Variants in FMN1 observed in about 807,000 individuals in gnomAD.
FMN1 encodes formin-1.
In FMN1, 110 loss-of-function variants were observed where a neutral mutation model predicts 132.4. That is an observed-to-expected ratio of 0.83 (90% CI 0.71 to 0.97). The LOEUF is 0.97. FMN1 is among the 50% of genes least tolerant of loss of function. The pLI is 0.00. For synonymous variants in FMN1, 722 were observed against 651.7 expected (o/e 1.11, Z -1.64); for missense variants, 1,792 against 1,705.3 (o/e 1.05, Z -0.90).
chr15:32,978,634 A>G (rs973816768), intron 7 of FMN1, among the ~76,000 whole-genome samples: 2 of 152,218 alleles, frequency 1.3e-5, no homozygotes, highest in African/African-American at 4.8e-5. Flanking sequence ...CACATTCTAG[A>G]GTATATGCAA....
At chr15:33,033,496 C>A (rs1224327034) in intron 6 of FMN1, among the ~76,000 whole-genome samples, 1 of 152,136 alleles carries the variant, frequency 6.6e-6, no homozygotes, top group Non-Finnish European at 1.5e-5. Context: ...AGCTCTTATC[C>A]CTCTTACTTT....
intron 4 of FMN1, among the ~76,000 whole-genome samples, chr15:33,121,401 G>A (rs897467826): frequency 3.3e-5 from 5 of 152,154 alleles, no homozygotes; most frequent in Admixed American, 3.3e-4. Context: ...TCTATAAATT[G>A]AGAGCACAAA....
At chr15:33,106,053 C>T (rs1380493872) in intron 4 of FMN1, 1 of 152,026 alleles carries the variant, frequency 6.6e-6, no homozygotes. Context: ...GCTCCCAGTA[C>T]ATAAGGGGAG....
At chr15:33,038,549 T>C (rs1036891282) in intron 6 of FMN1, among the ~76,000 whole-genome samples, 4 of 152,234 alleles carry the variant, frequency 2.6e-5, no homozygotes, top group African/African-American at 9.6e-5. Context: ...CAAAAGAATT[T>C]TAATTTTAGG....
intron 7 of FMN1, among the ~76,000 whole-genome samples, chr15:32,974,408 T>A (rs1381036606): frequency 1.3e-5 from 2 of 152,220 alleles, no homozygotes; most frequent in African/African-American, 2.4e-5. Context: ...TAGTCTGTTA[T>A]AATATATGTC....
intron 12 of FMN1, among the ~76,000 whole-genome samples, chr15:32,904,940 G>A (rs2060385138): frequency 6.6e-6 from 1 of 152,120 alleles, no homozygotes; most frequent in East Asian, 1.9e-4. Flanking sequence ...ATATTCCCAA[G>A]CATGGGATCT....
intron 5 of FMN1, among the ~76,000 whole-genome samples, chr15:33,086,150 C>G (rs1180760394): frequency 6.6e-6 from 1 of 151,642 alleles, no homozygotes; most frequent in Non-Finnish European, 1.5e-5. Flanking sequence ...ACTCAGGAGG[C>G]TGAGGCAGGA....
intron 9 of FMN1, among the ~76,000 whole-genome samples, chr15:32,936,155 T>A (rs2061264983): frequency 6.6e-6 from 1 of 152,240 alleles, no homozygotes; most frequent in Non-Finnish European, 1.5e-5. Context: ...CTGAGCTCAC[T>A]GAACATCTTT....
chr15:32,987,489 A>C (rs968411818), intron 7 of FMN1, among the ~76,000 whole-genome samples: 2 of 152,198 alleles, frequency 1.3e-5, no homozygotes, highest in African/African-American at 2.4e-5. Flanking sequence ...TCAGAGCAGA[A>C]GGCTTTCTGA....
chr15:33,038,820 G>T (rs2036298660), intron 6 of FMN1, among the ~76,000 whole-genome samples: 1 of 152,182 alleles, frequency 6.6e-6, no homozygotes, highest in African/African-American at 2.4e-5. Flanking sequence ...AAACTAAAGA[G>T]TACTAATGGA....
intron 19 of FMN1, among the ~76,000 whole-genome samples, chr15:32,783,222 A>T (rs1400475845): frequency 6.6e-6 from 1 of 151,972 alleles, no homozygotes; most frequent in African/African-American, 2.4e-5. Context: ...ACAAACAAAC[A>T]TATCAGAGAA....
intron 7 of FMN1, among the ~76,000 whole-genome samples, chr15:32,991,617 T>C (rs2033439943): frequency 6.6e-6 from 1 of 152,170 alleles, no homozygotes; most frequent in South Asian, 2.1e-4. Context: ...TGTTTCTATC[T>C]AAACATTACA....
At chr15:33,035,440 A>T (rs2036146329) in intron 6 of FMN1, among the ~76,000 whole-genome samples, 1 of 152,210 alleles carries the variant, frequency 6.6e-6, no homozygotes, top group African/African-American at 2.4e-5. Flanking sequence ...GATAAAGAAC[A>T]TCTGGCTCTG....
chr15:33,153,085 C>A lies in FMN1; in HGVS notation c.1830G>T (p.Gly610=). 6.5e-7 allele frequency: 1 copy of A among 1,535,300 alleles called. No homozygotes were observed. Among genetic ancestry groups the A allele is most frequent in the Non-Finnish European group, 8.7e-7 (1 of 1,146,538 alleles). ...GGTGCTGGGGCTCAGCTGTGGTCTT[C>A]CCTGGCCCCAAGCTCTTTTCCAAAG... is the stretch of plus-strand genomic sequence containing the variant. ...GETLEKSLGP[G]KTTAEPQHQS... is the part of the protein sequence containing the mutation. Residue 610 remains glycine, a synonymous_variant, in exon 4 of 21, where the codon GGG becomes GGT. Coordinates refer to ENST00000616417, the MANE Select transcript of FMN1 (RefSeq NM_001277313.2).
chr15:33,051,029 T>C (rs1459208619), intron 6 of FMN1, among the ~76,000 whole-genome samples: 4 of 152,318 alleles, frequency 2.6e-5, no homozygotes, highest in Non-Finnish European at 5.9e-5. Context: ...TACGTATTCA[T>C]GAGTGCATAT....
At chr15:33,174,470 T>C (rs576500917) in intron 3 of FMN1, among the ~76,000 whole-genome samples, 12 of 152,332 alleles carry the variant, frequency 7.9e-5, no homozygotes, top group African/African-American at 2.4e-4. Context: ...TTTGTGTACA[T>C]TATGTTATAC....
At chr15:33,131,623 C>G (rs1344539471) in intron 4 of FMN1, among the ~76,000 whole-genome samples, 1 of 152,120 alleles carries the variant, frequency 6.6e-6, no homozygotes, top group East Asian at 1.9e-4. Flanking sequence ...TACAACTACC[C>G]CACTGTGAGT....
chr15:32,860,524 G>A (rs2059244578), intron 16 of FMN1, among the ~76,000 whole-genome samples: 2 of 152,058 alleles, frequency 1.3e-5, no homozygotes, highest in African/African-American at 2.4e-5. Flanking sequence ...ATGGGGGTGT[G>A]CACCTGTGGT....
intron 17 of FMN1, 112 bp downstream of exon 17, chr15:32,856,903 A>G: frequency 2.8e-6 from 2 of 724,726 alleles, no homozygotes; most frequent in Middle Eastern, 2.9e-4. Context: ...TGAAATCACC[A>G]GAGCTGCCTG....
Sources: gnomAD v4.1 joint callset for allele counts (sites outside exome capture counted in the v4.1 genomes callset) on GRCh38, gnomAD v4.1.1 for gene constraint, MANE v1.5 for transcripts, NCBI Gene and HGNC (gene_info 2026-07-23, HGNC 2026-07-21) for gene names.